Variants in GRM8 observed in about 807,000 individuals in gnomAD.
GRM8 encodes the protein glutamate metabotropic receptor 8.
GRM8 carries 47 observed loss-of-function variants against 87.2 expected under a neutral mutation model. That is an observed-to-expected ratio of 0.54 (90% CI 0.43 to 0.69). GRM8 has a LOEUF of 0.69. Ranked by LOEUF, GRM8 falls within the 30% of genes least tolerant of loss-of-function variation. The pLI is 0.00. For missense variants in GRM8, 1,019 were observed against 1,139.2 expected, an observed-to-expected ratio of 0.89 and a Z score of 1.52; for synonymous variants, 396 against 404.5, an observed-to-expected ratio of 0.98 and a Z score of 0.25.
intron 6 of GRM8, among the ~76,000 whole-genome samples, chr7:126,873,193 C>T (rs1401315159): frequency 6.6e-6 from 1 of 152,122 alleles, no homozygotes; most frequent in Non-Finnish European, 1.5e-5. Flanking sequence ...CTGCACAGTA[C>T]ATTCAATGTG....
intron 3 of GRM8, among the ~76,000 whole-genome samples, chr7:127,088,790 G>T (rs1340231487): frequency 6.6e-6 from 1 of 152,192 alleles, no homozygotes; most frequent in Admixed American, 6.5e-5. Flanking sequence ...TTGACCATAT[G>T]TTTCAAGTGG....
At chr7:126,646,597 C>T (rs1447145993) in intron 7 of GRM8, among the ~76,000 whole-genome samples, 1 of 151,642 alleles carries the variant, frequency 6.6e-6, no homozygotes, top group Non-Finnish European at 1.5e-5. Flanking sequence ...TGTGTGATAC[C>T]ACCCACATGC....
intron 7 of GRM8, among the ~76,000 whole-genome samples, chr7:126,717,425 C>T (rs1321927553): frequency 6.6e-6 from 1 of 152,162 alleles, no homozygotes; most frequent in African/African-American, 2.4e-5. Flanking sequence ...TCACCAGACA[C>T]AGCCATCCTT....
intron 1 of GRM8, chr7:127,250,798 G>C (rs186219061): frequency 5.3e-5 from 8 of 152,252 alleles, no homozygotes; most frequent in Admixed American, 4.6e-4. Flanking sequence ...ATTTCATAAC[G>C]GAAAGTGGAA....
At chr7:126,807,008 C>T (rs1004223199) in intron 6 of GRM8, among the ~76,000 whole-genome samples, 1 of 152,212 alleles carries the variant, frequency 6.6e-6, no homozygotes, top group Non-Finnish European at 1.5e-5. Context: ...CCGAGGCCAA[C>T]AAGGAACCGA....
intron 8 of GRM8, among the ~76,000 whole-genome samples, chr7:126,559,899 T>G (rs1276320048): frequency 3.3e-5 from 5 of 152,216 alleles, no homozygotes; most frequent in African/African-American, 9.7e-5. Flanking sequence ...TCTTTGAAAT[T>G]CTCTTCAATC....
At chr7:127,026,656 A>C (rs1174819432) in intron 3 of GRM8, among the ~76,000 whole-genome samples, 2 of 152,118 alleles carry the variant, frequency 1.3e-5, no homozygotes, top group Admixed American at 6.6e-5. Flanking sequence ...TCTTTTGAGA[A>C]GTGTCTGTTC....
intron 3 of GRM8, among the ~76,000 whole-genome samples, chr7:126,983,215 G>T (rs1397058376): frequency 6.6e-6 from 1 of 152,056 alleles, no homozygotes; most frequent in East Asian, 1.9e-4. Context: ...TAATATTGTG[G>T]GAACAGGAAG....
chr7:126,643,548 A>T (rs1163659340), intron 7 of GRM8, among the ~76,000 whole-genome samples: 1 of 151,758 alleles, frequency 6.6e-6, no homozygotes, highest in Non-Finnish European at 1.5e-5. Flanking sequence ...CCTAATATGC[A>T]TGCGAAAGGA....
chr7:126,781,162 T>C (rs1248183486), intron 6 of GRM8, among the ~76,000 whole-genome samples: 2 of 152,190 alleles, frequency 1.3e-5, no homozygotes, highest in Non-Finnish European at 2.9e-5. Context: ...GCCAGCCAGA[T>C]AACTGCACAT....
intron 1 of GRM8, among the ~76,000 whole-genome samples, chr7:127,244,175 T>G (rs957478268): frequency 2.2e-4 from 33 of 152,200 alleles, no homozygotes; most frequent in Non-Finnish European, 3.7e-4. Flanking sequence ...TAAGGTGACA[T>G]GTGAAGATAT....
intron 6 of GRM8, among the ~76,000 whole-genome samples, chr7:126,860,512 T>C (rs749644860): frequency 6.6e-6 from 1 of 152,204 alleles, no homozygotes. Flanking sequence ...GCAATATAGA[T>C]ATATTTGTGA....
chr7:126,557,704 T>C (rs1488373879), intron 8 of GRM8, among the ~76,000 whole-genome samples: 1 of 152,204 alleles, frequency 6.6e-6, no homozygotes, highest in East Asian at 1.9e-4. Flanking sequence ...TCATATCTTA[T>C]TCATCTTTGC....
At chr7:126,937,356 G>A (rs1289295801) in intron 3 of GRM8, among the ~76,000 whole-genome samples, 1 of 152,212 alleles carries the variant, frequency 6.6e-6, no homozygotes, top group Non-Finnish European at 1.5e-5. Flanking sequence ...TGTGGAACTG[G>A]AAGCAGACAG....
At chr7:126,938,333 A>T (rs949982761) in intron 3 of GRM8, among the ~76,000 whole-genome samples, 18 of 152,174 alleles carry the variant, frequency 1.2e-4, no homozygotes, top group African/African-American at 4.3e-4. Flanking sequence ...CATGGAGCCA[A>T]GCTGCCTACC....
intron 7 of GRM8, among the ~76,000 whole-genome samples, chr7:126,720,448 G>A (rs1812270998): frequency 6.6e-6 from 1 of 152,062 alleles, no homozygotes; most frequent in Non-Finnish European, 1.5e-5. Flanking sequence ...CCTCTTAAAT[G>A]AATAAGTGGT....
At chr7:126,991,975 T>C (rs923545276) in intron 3 of GRM8, among the ~76,000 whole-genome samples, 2 of 152,154 alleles carry the variant, frequency 1.3e-5, no homozygotes, top group African/African-American at 4.8e-5. Flanking sequence ...GATTTTAAGC[T>C]ATGGAATCTG....
chr7:126,857,234 G>A (rs116878177), intron 6 of GRM8, among the ~76,000 whole-genome samples: 1,931 of 152,266 alleles, frequency 0.013, 10 homozygotes, highest in Middle Eastern at 0.027. Context: ...ATGCCTAGAG[G>A]AGTCTGTCTA....
intron 8 of GRM8, among the ~76,000 whole-genome samples, chr7:126,569,526 T>A (rs893435254): frequency 9.9e-5 from 15 of 152,188 alleles, no homozygotes; most frequent in Non-Finnish European, 1.3e-4. Flanking sequence ...AGTCAAATAC[T>A]GACACACCAG....
Sources: gnomAD v4.1 joint callset for allele counts (sites outside exome capture counted in the v4.1 genomes callset) on GRCh38, gnomAD v4.1.1 for gene constraint, MANE v1.5 for transcripts, NCBI Gene and HGNC (gene_info 2026-07-23, HGNC 2026-07-21) for gene names.